The following MYO3A variants were observed in gnomAD, a reference collection of about 807,000 sequenced individuals.
The protein encoded by MYO3A is myosin-IIIa.
A neutral mutation model predicts 192.7 loss-of-function variants in MYO3A; 180 were observed. The observed-to-expected ratio is 0.93, with a 90% CI of 0.83 to 1.06. MYO3A has a LOEUF of 1.06. Among genes scored for constraint, MYO3A ranks in the 50% least tolerant of loss-of-function variants. MYO3A has a pLI of 0.00. For missense variants in MYO3A, 1,896 were observed against 1,905.0 expected, an observed-to-expected ratio of 1.00 and a Z score of 0.09; for synonymous variants, 628 against 645.3, an observed-to-expected ratio of 0.97 and a Z score of 0.41.
intron 10 of MYO3A, among the ~76,000 whole-genome samples, chr10:26,056,181 G>A (rs1834097688): frequency 6.6e-6 from 1 of 152,132 alleles, no homozygotes; most frequent in Admixed American, 6.6e-5. Context: ...GAAATCAAAA[G>A]CACTGTAACA....
At chr10:25,974,337 C>T (rs1838848127) in intron 4 of MYO3A, among the ~76,000 whole-genome samples, 1 of 152,170 alleles carries the variant, frequency 6.6e-6, no homozygotes, top group East Asian at 1.9e-4. Flanking sequence ...ATTTGCTAAG[C>T]TGTCCAGTCT....
intron 10 of MYO3A, among the ~76,000 whole-genome samples, chr10:26,060,077 G>C (rs1834362288): frequency 6.6e-6 from 1 of 152,126 alleles, no homozygotes; most frequent in Non-Finnish European, 1.5e-5. Context: ...AACCAACGTA[G>C]AGAAACTCCA....
At chr10:26,111,160 G>C (rs965379698) in intron 17 of MYO3A, among the ~76,000 whole-genome samples, 1 of 152,094 alleles carries the variant, frequency 6.6e-6, no homozygotes, top group African/African-American at 2.4e-5. Context: ...GAGGTGCTGT[G>C]CCTGGTGATA....
chr10:26,053,633 G>A (rs1260246480), intron 10 of MYO3A, among the ~76,000 whole-genome samples: 1 of 152,102 alleles, frequency 6.6e-6, no homozygotes, highest in Non-Finnish European at 1.5e-5. Context: ...AGACCAGTCT[G>A]GCCAACATAG....
intron 4 of MYO3A, among the ~76,000 whole-genome samples, chr10:25,969,397 C>A (rs919567781): frequency 2.0e-5 from 3 of 152,148 alleles, no homozygotes; most frequent in African/African-American, 7.2e-5. Flanking sequence ...CGGTGCAGTA[C>A]TATCTGTGGT....
intron 23 of MYO3A, among the ~76,000 whole-genome samples, chr10:26,152,730 C>T (rs1840866801): frequency 1.3e-5 from 2 of 152,188 alleles, no homozygotes; most frequent in African/African-American, 4.8e-5. Flanking sequence ...GTTACTGTAT[C>T]TGTCCACTCT....
At chr10:26,009,139 A>G (rs1841446340) in intron 6 of MYO3A, among the ~76,000 whole-genome samples, 1 of 150,812 alleles carries the variant, frequency 6.6e-6, no homozygotes. Flanking sequence ...AAAAAACCAA[A>G]CACCACATAT....
intron 17 of MYO3A, among the ~76,000 whole-genome samples, chr10:26,101,578 G>T (rs1296682438): frequency 2.0e-5 from 3 of 152,152 alleles, no homozygotes; most frequent in Middle Eastern, 3.2e-3. Context: ...AGGAGCTCTT[G>T]TAAGGCAGGC....
intron 10 of MYO3A, among the ~76,000 whole-genome samples, chr10:26,052,692 C>T (rs72795833): frequency 0.16 from 24,758 of 152,174 alleles, 2,314 homozygotes; most frequent in Non-Finnish European, 0.21. Flanking sequence ...ACCCCAGTGG[C>T]TCCTTAATCA....
chr10:25,953,561 A>T (rs1369642283), intron 3 of MYO3A, among the ~76,000 whole-genome samples: 1 of 152,096 alleles, frequency 6.6e-6, no homozygotes, highest in Non-Finnish European at 1.5e-5. Context: ...TAGCCTTTGC[A>T]TTAGGGATTC....
chr10:26,060,492 G>A (rs755043040), intron 10 of MYO3A, among the ~76,000 whole-genome samples: 4 of 151,534 alleles, frequency 2.6e-5, no homozygotes, highest in Non-Finnish European at 5.9e-5. Context: ...ACAAACAAAA[G>A]ACAGTGATAC....
At position 26,163,312 on chromosome 10, in the gene MYO3A, G is replaced by A. The variant is rs575866017; in HGVS notation, c.3000-2755G>A. 6.6e-5 allele frequency among the ~76,000 whole-genome samples: 10 copies of A among 152,274 alleles called. No homozygotes were observed. The South Asian group carries it at 2.1e-3, about 32-fold the overall frequency. Reference sequence around the variant, plus strand: ...TTTGCCATCCCAGCTTAGAACTTGGGACATCCATAGAGACTTTTCGAGTCA... The same window carrying A: ...TTTGCCATCCCAGCTTAGAACTTGGAACATCCATAGAGACTTTTCGAGTCA... On this transcript the variant is annotated intron_variant, in intron 26 of 34. Transcript: ENST00000642920.
chr10:26,010,135 A>G lies in MYO3A; in HGVS notation c.509-6685A>G, dbSNP rs541666368. Among the ~76,000 whole-genome samples, 5 of 152,324 alleles carry G rather than the reference A, an allele frequency of 3.3e-5. No individual in the cohort carries two copies. The South Asian group carries it at 6.2e-4, about 19-fold the overall frequency. On this transcript the variant is annotated intron_variant, in intron 6 of 34. Coordinates refer to ENST00000642920, the MANE Select transcript of MYO3A (RefSeq NM_017433.5). Reference sequence around the variant, plus strand: ...GATGTTGAGATCTTTAAAGAAAGCCATATAATTATCTTTATTATCAGATAT... The same window carrying G: ...GATGTTGAGATCTTTAAAGAAAGCCGTATAATTATCTTTATTATCAGATAT...
intron 4 of MYO3A, among the ~76,000 whole-genome samples, chr10:25,995,489 CCTT>C (rs1432371442): frequency 1.3e-5 from 2 of 152,196 alleles, no homozygotes; most frequent in Admixed American, 6.5e-5. Flanking sequence ...TCCTCTGTAG[CCTT>C]CTTCTCTCAA....
chr10:25,997,220 TATTGA>T lies in MYO3A; in HGVS notation c.471_475del (p.Leu158HisfsTer36), dbSNP rs749776896. On this transcript the variant is annotated frameshift_variant, in exon 6 of 35. Transcript: ENST00000642920. LOFTEE classifies it high-confidence loss of function. ...AGAGATGTGAAAGGCAATAACATTCTATTGACCACGGAAGGTGGAGTGAAACTAGT... is the reference window on the plus strand; with the variant it reads ...AGAGATGTGAAAGGCAATAACATTCTCCACGGAAGGTGGAGTGAAACTAGT... 7.4e-6 allele frequency: 12 copies of T among 1,613,582 alleles called. No homozygotes were observed. The highest frequency in any genetic ancestry group is 3.3e-4 in the Middle Eastern group (2 of 6,056).
chr10:26,165,908 G>T, intron 26 of MYO3A, 159 bp from the exon 27 acceptor site: 2 of 733,124 alleles, frequency 2.7e-6, no homozygotes, highest in South Asian at 2.9e-5. Flanking sequence ...TTGGAATTTG[G>T]TCTACTCCGA....
intron 14 of MYO3A, among the ~76,000 whole-genome samples, chr10:26,076,634 G>A (rs985772930): frequency 6.6e-6 from 1 of 151,894 alleles, no homozygotes; most frequent in Non-Finnish European, 1.5e-5. Flanking sequence ...ATAGTTTCAG[G>A]TATTAAGTCC....
At chr10:26,027,565 G>T (rs1842612335) in intron 10 of MYO3A, among the ~76,000 whole-genome samples, 1 of 152,020 alleles carries the variant, frequency 6.6e-6, no homozygotes, top group Admixed American at 6.6e-5. Context: ...AGCTGGTCTT[G>T]AACTCCTGAA....
intron 10 of MYO3A, among the ~76,000 whole-genome samples, chr10:26,060,465 C>G: frequency 6.6e-6 from 1 of 151,940 alleles, no homozygotes; most frequent in South Asian, 2.1e-4. Context: ...GAGACTCCAT[C>G]TCAAACAAAC....
Sources: allele counts gnomAD v4.1 joint callset (sites outside exome capture counted in the v4.1 genomes callset), GRCh38; gene constraint gnomAD v4.1.1; transcripts MANE v1.5; gene names NCBI Gene and HGNC (gene_info 2026-07-23, HGNC 2026-07-21).